Variants in NBAS observed in about 807,000 individuals in gnomAD.
NBAS encodes NAG/BC035112 fusion.
A neutral mutation model predicts 302.5 loss-of-function variants in NBAS; 219 were observed. The observed-to-expected ratio is 0.72, with a 90% CI of 0.65 to 0.81. NBAS has a LOEUF of 0.81. Ranked by LOEUF, NBAS falls within the 30% of genes least tolerant of loss-of-function variation. The pLI, the probability that NBAS is intolerant of heterozygous loss-of-function variation, is 0.00. For missense variants in NBAS, 2,932 were observed against 2,841.6 expected (o/e 1.03, Z -0.72); for synonymous variants, 1,118 against 1,021.6 (o/e 1.09, Z -1.80).
chr2:15,287,095 C>A lies in NBAS; in HGVS notation c.5116G>T (p.Glu1706Ter). The A allele has an allele frequency of 6.2e-7, 1 of 1,613,322 alleles. No homozygotes were observed. Among genetic ancestry groups the A allele is most frequent in the South Asian group, 1.1e-5 (1 of 91,066 alleles). ...TACCCACTGTCCGTGAAGAGGAACTCCAAATGGGTCATAAAAACTTCCCAG... is the reference window on the plus strand; with the variant it reads ...TACCCACTGTCCGTGAAGAGGAACTACAAATGGGTCATAAAAACTTCCCAG... ...SRWEVFMTHL[E>*]FLFTDSGLST... The change falls in exon 42 of 52, where the codon GAG (glutamate) becomes TAG (stop). Residue 1706 changes from glutamate (E) to a stop codon, truncating the protein, a stop_gained. Transcript: ENST00000281513. LOFTEE classifies it high-confidence loss of function.
intron 21 of NBAS, among the ~76,000 whole-genome samples, chr2:15,448,713 C>G (rs78866148): frequency 0.013 from 1,940 of 152,202 alleles, 32 homozygotes; most frequent in East Asian, 0.06. Flanking sequence ...TTAAAATAAT[C>G]CATGTCTTGT....
At chr2:15,210,299 A>G (rs1415334427) in intron 48 of NBAS, among the ~76,000 whole-genome samples, 1 of 152,190 alleles carries the variant, frequency 6.6e-6, no homozygotes, top group African/African-American at 2.4e-5. Flanking sequence ...ATCTGGTTAA[A>G]AAATGGGCGA....
At chr2:15,204,887 A>G (rs1252641841) in intron 48 of NBAS, among the ~76,000 whole-genome samples, 1 of 152,208 alleles carries the variant, frequency 6.6e-6, no homozygotes, top group Non-Finnish European at 1.5e-5. Context: ...GAGGGATAGC[A>G]TTAGGAGATA....
At chr2:15,146,123 T>C in the NBAS span, among the ~76,000 whole-genome samples, 1 of 152,120 alleles carries the variant, frequency 6.6e-6, no homozygotes, top group Non-Finnish European at 1.5e-5. Context: ...GCTGGCCTGG[T>C]ATGAATCTCA....
intron 10 of NBAS, among the ~76,000 whole-genome samples, chr2:15,505,137 T>C (rs182201272): frequency 2.4e-4 from 36 of 152,312 alleles, no homozygotes; most frequent in Admixed American, 1.1e-3. Context: ...TCCCAATGTG[T>C]CATCTCCATT....
At chr2:15,271,995 T>A (rs188484475) in intron 44 of NBAS, among the ~76,000 whole-genome samples, 14 of 152,330 alleles carry the variant, frequency 9.2e-5, no homozygotes, top group Admixed American at 8.5e-4. Context: ...ATATTAATCA[T>A]CTCAAATGGC....
chr2:15,332,915 T>G (rs559562867), intron 35 of NBAS, among the ~76,000 whole-genome samples: 1 of 152,344 alleles, frequency 6.6e-6, no homozygotes, highest in South Asian at 2.1e-4. Context: ...GTTCCACACA[T>G]GAACTCATTT....
At chr2:15,058,820 C>T in the NBAS span, among the ~76,000 whole-genome samples, 2 of 152,162 alleles carry the variant, frequency 1.3e-5, no homozygotes, top group African/African-American at 4.8e-5. Flanking sequence ...ATCTGTTCCA[C>T]CCTTTAGCTG....
At chr2:15,092,363 T>C in the NBAS span, among the ~76,000 whole-genome samples, 63,045 of 152,042 alleles carry the variant, frequency 0.41, 14,106 homozygotes, top group African/African-American at 0.59. Context: ...ATTATGCACC[T>C]TTGGCAAAGT....
At chr2:15,129,871 G>A in the NBAS span, among the ~76,000 whole-genome samples, 4 of 152,192 alleles carry the variant, frequency 2.6e-5, no homozygotes, top group Non-Finnish European at 5.9e-5. Flanking sequence ...AAGGCATACC[G>A]TGTCCTCACA....
At chr2:14,887,754 G>A in the NBAS span, among the ~76,000 whole-genome samples, 4 of 152,180 alleles carry the variant, frequency 2.6e-5, no homozygotes, top group Non-Finnish European at 1.5e-5. Flanking sequence ...CATCTTCACA[G>A]ATCTTCATTG....
the NBAS span, among the ~76,000 whole-genome samples, chr2:15,146,324 C>G: frequency 6.6e-6 from 1 of 152,246 alleles, no homozygotes; most frequent in South Asian, 2.1e-4. Context: ...ATTCATGACA[C>G]ATATTTAAGG....
chr2:15,492,680 C>G (rs1256875851), intron 11 of NBAS, among the ~76,000 whole-genome samples: 1 of 152,150 alleles, frequency 6.6e-6, no homozygotes, highest in African/African-American at 2.4e-5. Flanking sequence ...ATGCTGGTCT[C>G]AAACTCCTGA....
At chr2:15,038,269 G>T in the NBAS span, among the ~76,000 whole-genome samples, 1 of 151,786 alleles carries the variant, frequency 6.6e-6, no homozygotes, top group Non-Finnish European at 1.5e-5. Flanking sequence ...GCACCACAAT[G>T]CCCAGCTAAT....
intron 48 of NBAS, among the ~76,000 whole-genome samples, chr2:15,192,917 A>G (rs1305653722): frequency 1.3e-5 from 2 of 152,338 alleles, no homozygotes; most frequent in South Asian, 4.1e-4. Context: ...GAGATTAACA[A>G]TAAAAGAATC....
chr2:14,969,469 C>T, the NBAS span, among the ~76,000 whole-genome samples: 44 of 152,084 alleles, frequency 2.9e-4, no homozygotes, highest in African/African-American at 3.9e-4. Context: ...GTCTGCCTCC[C>T]GGGTTCAAGC....
chr2:15,538,358 T>C (rs2380657), intron 7 of NBAS: 284,989 of 473,148 alleles, frequency 0.6, 89,256 homozygotes, highest in Non-Finnish European at 0.67. Context: ...CGTTTTTAGT[T>C]TCTCCACTCA....
At chr2:14,986,337 C>T in the NBAS span, among the ~76,000 whole-genome samples, 11 of 152,022 alleles carry the variant, frequency 7.2e-5, no homozygotes, top group Admixed American at 2.0e-4. Context: ...CCCATTAAAT[C>T]CACAACAGTT....
chr2:15,551,106 C>T (rs1046169829), intron 6 of NBAS, among the ~76,000 whole-genome samples: 4 of 152,118 alleles, frequency 2.6e-5, no homozygotes, highest in Admixed American at 6.5e-5. Flanking sequence ...AGCACATACA[C>T]GTAAATTACA....
Sources: gnomAD v4.1 joint callset for allele counts (sites outside exome capture counted in the v4.1 genomes callset) on GRCh38, gnomAD v4.1.1 for gene constraint, MANE v1.5 for transcripts, NCBI Gene and HGNC (gene_info 2026-07-23, HGNC 2026-07-21) for gene names.